RIC1: variants seen among roughly 807,000 people sequenced by gnomAD.
The protein encoded by RIC1 is guanine nucleotide exchange factor subunit RIC1.
Under a neutral mutation model 169.0 loss-of-function variants are expected in RIC1, and 88 were observed. The observed-to-expected ratio is 0.52, with a 90% CI of 0.44 to 0.62. RIC1 has a LOEUF of 0.62. RIC1 is among the 20% of genes least tolerant of loss of function. The probability of loss-of-function intolerance (pLI) is 0.00; values close to 1 mark genes in which losing one functional copy is unlikely to be tolerated. For missense variants in RIC1, 1,877 were observed against 1,725.5 expected, an observed-to-expected ratio of 1.09 and a Z score of -1.56; for synonymous variants, 790 against 601.5, an observed-to-expected ratio of 1.31 and a Z score of -4.59.
intron 2 of RIC1, among the ~76,000 whole-genome samples, chr9:5,689,177 T>A (rs1821445830): frequency 6.7e-6 from 1 of 150,142 alleles, no homozygotes; most frequent in Non-Finnish European, 1.5e-5. Context: ...GCCTCCTGAG[T>A]AGCTGGGATT....
chr9:5,661,598 T>G (rs1819454615), intron 2 of RIC1, among the ~76,000 whole-genome samples: 2 of 152,212 alleles, frequency 1.3e-5, no homozygotes, highest in Admixed American at 1.3e-4. Flanking sequence ...TGTGACCAAC[T>G]GTGAATGGGA....
At chr9:5,637,790 T>C (rs1818045696) in intron 1 of RIC1, among the ~76,000 whole-genome samples, 1 of 152,228 alleles carries the variant, frequency 6.6e-6, no homozygotes, top group Non-Finnish European at 1.5e-5. Flanking sequence ...AATGACCGGA[T>C]CTCATTTTTT....
chr9:5,706,375 C>T (rs2130797083), intron 3 of RIC1, among the ~76,000 whole-genome samples: 1 of 152,246 alleles, frequency 6.6e-6, no homozygotes. Context: ...TTGCTTGAAC[C>T]AGGGAGTCGG....
In RIC1 at chr9:5,754,900, G is replaced by C; in HGVS notation, c.1662G>C (p.Ala554=). Reference sequence around the variant, plus strand: ...GGTGGAATGATTTTATGGTCCTTGCGTGTTATAACATAAATGACCGTCAAG... The same window carrying C: ...GGTGGAATGATTTTATGGTCCTTGCCTGTTATAACATAAATGACCGTCAAG... The part of the protein sequence containing the change: ...LAWWNDFMVL[A]CYNINDRQEE... Residue 554 remains alanine (A), a synonymous_variant, in exon 15 of 26, where the codon GCG becomes GCC. Coordinates refer to ENST00000414202, the MANE Select transcript of RIC1 (RefSeq NM_020829.4). 6.4e-7 allele frequency: 1 copy of C among 1,566,164 alleles called. No homozygotes were observed. The highest frequency in any genetic ancestry group is 8.7e-7 in the Non-Finnish European group (1 of 1,149,132).
intron 14 of RIC1, 48 bp downstream of exon 14, chr9:5,753,694 A>G (rs1825847487): frequency 1.1e-6 from 1 of 941,514 alleles, no homozygotes; most frequent in African/African-American, 1.7e-5. Context: ...GTATAAGAGA[A>G]CTACAATATG....
chr9:5,681,047 C>G (rs1049689708), intron 2 of RIC1, among the ~76,000 whole-genome samples: 2 of 151,212 alleles, frequency 1.3e-5, no homozygotes, highest in African/African-American at 4.9e-5. Context: ...AGGATGGTCT[C>G]GATCTCCTGA....
rs1269232252 is a variant in RIC1 at position 5,656,642 on chromosome 9, C to G, written c.204C>G (p.Ser68=). 1.2e-6 allele frequency: 2 copies of G among 1,610,452 alleles called. No individual in the cohort carries two copies. The highest frequency in any genetic ancestry group is 1.7e-6 in the Non-Finnish European group (2 of 1,178,080). ...EPAKSSTQFG[S]YKQAEWRPDS... ...CAAAATCATCTACTCAGTTTGGATC[C>G]TACAAGCAAGCTGAATGGAGGCCAG... is the stretch of plus-strand genomic sequence containing the variant. The change falls in exon 2 of 26, where the codon TCC becomes TCG. Residue 68 remains serine, a synonymous_variant. Coordinates refer to ENST00000414202, the MANE Select transcript of RIC1 (RefSeq NM_020829.4).
intron 7 of RIC1, among the ~76,000 whole-genome samples, chr9:5,733,389 G>A (rs1029396850): frequency 1.7e-4 from 26 of 151,240 alleles, no homozygotes; most frequent in African/African-American, 5.1e-4. Context: ...TCAGCCTCCC[G>A]AGTAGCTGGG....
chr9:5,696,206 C>T (rs1026890634), intron 3 of RIC1, among the ~76,000 whole-genome samples: 1 of 152,046 alleles, frequency 6.6e-6, no homozygotes, highest in South Asian at 2.1e-4. Flanking sequence ...ATTTCTCTTC[C>T]CCTAGTCTCT....
At chr9:5,746,168 C>G in intron 11 of RIC1, 85 bp downstream of exon 11, 5 of 959,552 alleles carry the variant, frequency 5.2e-6, no homozygotes, top group Non-Finnish European at 7.4e-6. Context: ...ATGGCGTATA[C>G]TTCTAAAATT....
At position 5,775,452 on chromosome 9, in the gene RIC1, C is replaced by A. The variant is rs1274105331; in HGVS notation, c.*1206C>A. On this transcript the variant is annotated 3_prime_UTR_variant, in exon 26 of 26. Coordinates refer to ENST00000414202, the MANE Select transcript of RIC1 (RefSeq NM_020829.4). ...TTACCTTATAACAGTATTAAGACAGCTTGTTTGTACTGTGCAATTTGAACA... is the reference window on the plus strand; with the variant it reads ...TTACCTTATAACAGTATTAAGACAGATTGTTTGTACTGTGCAATTTGAACA... The A allele has an allele frequency of 2.6e-5, 4 of 152,132 alleles. No individual in the cohort carries two copies. The highest frequency in any genetic ancestry group is 1.5e-5 in the Non-Finnish European group (1 of 68,010). 9.4% of individuals were successfully genotyped at this position (152,132 alleles called of 1,614,324 possible). A position where few individuals can be genotyped will look rare whatever the true frequency, so the allele number is the denominator to read the frequency against.
intron 1 of RIC1, among the ~76,000 whole-genome samples, chr9:5,640,001 G>C (rs923005288): frequency 6.6e-6 from 1 of 152,064 alleles, no homozygotes; most frequent in Non-Finnish European, 1.5e-5. Flanking sequence ...CAGATCAGTG[G>C]ATCTTGTTTT....
At chr9:5,669,546 T>G (rs1402438177) in intron 2 of RIC1, among the ~76,000 whole-genome samples, 1 of 152,118 alleles carries the variant, frequency 6.6e-6, no homozygotes, top group Non-Finnish European at 1.5e-5. Context: ...TGATGGGCAT[T>G]TGATTGTCAT....
At position 5,738,449 on chromosome 9, in the gene RIC1, G is replaced by C; in HGVS notation, c.813-1G>C. 1 of 1,585,502 alleles carries C rather than the reference G, an allele frequency of 6.3e-7. No homozygotes were observed. Among genetic ancestry groups the C allele is most frequent in the Non-Finnish European group, 8.6e-7 (1 of 1,168,702 alleles). On this transcript the variant is annotated splice_acceptor_variant, in intron 7 of 25. Transcript: ENST00000414202. LOFTEE classifies it high-confidence loss of function. ...AAAGTTTTTCGTTGTTGTTTTCACA[G>C]TGGTTCTGTGCAGGTCTATACAATA...
intron 1 of RIC1, among the ~76,000 whole-genome samples, chr9:5,646,496 G>C (rs968962175): frequency 6.6e-6 from 1 of 152,102 alleles, no homozygotes; most frequent in Admixed American, 6.5e-5. Flanking sequence ...TCTATGTTTA[G>C]AAGTATTTAG....
chr9:5,645,918 G>A (rs530283061), intron 1 of RIC1, among the ~76,000 whole-genome samples: 1 of 151,296 alleles, frequency 6.6e-6, no homozygotes, highest in Non-Finnish European at 1.5e-5. Flanking sequence ...ACCCAGAAGT[G>A]GACCTGCTGT....
intron 3 of RIC1, among the ~76,000 whole-genome samples, chr9:5,700,955 T>TC (rs1464191310): frequency 6.6e-6 from 1 of 152,236 alleles, no homozygotes; most frequent in Non-Finnish European, 1.5e-5. Context: ...CACATTCTTT[T>TC]CCCCAGTTAG....
chr9:5,761,387 T>C (rs1053035227), intron 17 of RIC1, among the ~76,000 whole-genome samples: 5 of 152,124 alleles, frequency 3.3e-5, no homozygotes, highest in Admixed American at 3.3e-4. Flanking sequence ...ATGCTGGGAT[T>C]ACAGGTGTGA....
intron 2 of RIC1, among the ~76,000 whole-genome samples, chr9:5,665,205 C>T (rs1819682579): frequency 6.6e-6 from 1 of 151,862 alleles, no homozygotes; most frequent in Admixed American, 6.6e-5. Flanking sequence ...TGTTTCTCAG[C>T]TCTAATAGGT....
Sources: allele counts gnomAD v4.1 joint callset (sites outside exome capture counted in the v4.1 genomes callset), GRCh38; gene constraint gnomAD v4.1.1; transcripts MANE v1.5; gene names NCBI Gene and HGNC (gene_info 2026-07-23, HGNC 2026-07-21).